ERRFI1: variants seen among roughly 807,000 people sequenced by gnomAD.
ERRFI1 encodes the protein mitogen-inducible gene 6 protein.
Under a neutral mutation model 14.6 loss-of-function variants are expected in ERRFI1, and 12 were observed. The ratio of observed to expected loss-of-function variants is 0.82; its 90% CI spans 0.53 to 1.33. The LOEUF (loss-of-function observed/expected upper bound fraction) is 1.33. ERRFI1 is among the 40% of genes most tolerant of loss of function. ERRFI1 has a pLI of 0.00. For synonymous variants in ERRFI1, 202 were observed against 209.9 expected (o/e 0.96, Z 0.32); for missense variants, 482 against 572.1 (o/e 0.84, Z 1.61).
At position 8,015,612 on chromosome 1, in the gene ERRFI1, A is replaced by T; in HGVS notation, c.8T>A (p.Ile3Lys). The T allele has an allele frequency of 6.2e-7, 1 of 1,614,128 alleles. No individual in the cohort carries two copies. The highest frequency in any genetic ancestry group is 8.5e-7 in the Non-Finnish European group (1 of 1,179,966). The change falls in exon 2 of 4, where the codon ATA becomes AAA. Residue 3 changes from isoleucine to lysine, a missense_variant. Transcript: ENST00000377482. ...GATCTCCTGAGCAGCAACTCCTGCTATTGACATTGTGCCTTATTCTGGGAC... is the reference window on the plus strand; with the variant it reads ...GATCTCCTGAGCAGCAACTCCTGCTTTTGACATTGTGCCTTATTCTGGGAC... MS[I>K]AGVAAQEIRV...
At chr1:8,025,157 G>A (rs1294451995) in intron 1 of ERRFI1, among the ~76,000 whole-genome samples, 1 of 152,162 alleles carries the variant, frequency 6.6e-6, no homozygotes, top group Non-Finnish European at 1.5e-5. Context: ...TAAAGCTACA[G>A]TCTCCATTCT....
chr1:8,015,739 A>T, intron 1 of ERRFI1, 47 bp from the exon 2 acceptor site: 1 of 1,260,190 alleles, frequency 7.9e-7, no homozygotes, highest in Non-Finnish European at 1.1e-6. Context: ...ATTCAGAAAT[A>T]CCTCCATTAG....
At chr1:8,022,020 G>A (rs1641280245) in intron 1 of ERRFI1, among the ~76,000 whole-genome samples, 1 of 152,018 alleles carries the variant, frequency 6.6e-6, no homozygotes, top group Non-Finnish European at 1.5e-5. Flanking sequence ...GTTTTTCTTG[G>A]GTAACCTGTA....
Position 8,013,810 on chromosome 1 carries a change from C to A in ERRFI1, c.789G>T (p.Arg263Ser). Residue 263 changes from arginine (R) to serine (S), a missense_variant, in exon 4 of 4, where the codon AGG becomes AGT. Physicochemically the swap from Arg to Ser is moderately radical, Grantham distance 110. Coordinates refer to ENST00000377482, the MANE Select transcript of ERRFI1 (RefSeq NM_018948.4). The surrounding 1 kb of genome is among the most constrained non-coding windows in gnomAD (Gnocchi z 4.3). Reference protein sequence around the residue: ...PAGSFNKPAIRISNCCIHRAS... With the variant: ...PAGSFNKPAISISNCCIHRAS... The stretch of plus-strand genomic sequence containing the variant: ...CTCTGTGTATACAACAGTTGGATAT[C>A]CTTATGGCTGGCTTGTTAAAGGAGC... 2 of 1,614,082 alleles carry A rather than the reference C, an allele frequency of 1.2e-6. No individual in the cohort carries two copies. Among genetic ancestry groups the A allele is most frequent in the South Asian group, 2.2e-5 (2 of 91,076 alleles).
chr1:8,016,664 A>G (rs928259861), intron 1 of ERRFI1, among the ~76,000 whole-genome samples: 2 of 152,070 alleles, frequency 1.3e-5, no homozygotes, highest in Non-Finnish European at 2.9e-5. Flanking sequence ...AGCCAAGTTT[A>G]TTTATAAGTT....
In ERRFI1 at chr1:8,017,074, T is replaced by C. The variant is rs1641185621; in HGVS notation, c.-73-1382A>G. Among the ~76,000 whole-genome samples, 7 of 152,184 alleles carry C rather than the reference T, an allele frequency of 4.6e-5. No homozygotes were observed. The South Asian group carries it at 1.4e-3, about 31-fold the overall frequency. On this transcript the variant is annotated intron_variant, in intron 1 of 3. Transcript: ENST00000377482. ...AAGTGAATGTTTGCTGAATGAATGA[T>C]TGTATAATACCATCTAATTATCATA...
intron 1 of ERRFI1, among the ~76,000 whole-genome samples, chr1:8,019,506 T>C (rs1208807693): frequency 6.6e-6 from 1 of 152,176 alleles, no homozygotes; most frequent in African/African-American, 2.4e-5. Flanking sequence ...AGGACAGAAC[T>C]GATGTCTGAT....
chr1:8,017,949 AT>A (rs1365346176), intron 1 of ERRFI1, among the ~76,000 whole-genome samples: 8 of 152,154 alleles, frequency 5.3e-5, no homozygotes, highest in Non-Finnish European at 1.2e-4. Flanking sequence ...AGAAAAAGTT[AT>A]TTTTTATTCA....
intron 1 of ERRFI1, among the ~76,000 whole-genome samples, chr1:8,018,589 A>G (rs1206948157): frequency 6.6e-6 from 1 of 152,178 alleles, no homozygotes; most frequent in African/African-American, 2.4e-5. Context: ...AAGAATAGGA[A>G]AGCGAATGTG....
chr1:8,020,824 C>T (rs1641265540), intron 1 of ERRFI1, among the ~76,000 whole-genome samples: 1 of 152,118 alleles, frequency 6.6e-6, no homozygotes, highest in African/African-American at 2.4e-5. Context: ...AGATTACAGG[C>T]GTGAGATACC....
At chr1:8,015,211 T>A (rs1445207326) in intron 3 of ERRFI1, 97 bp downstream of exon 3, 4 of 1,066,140 alleles carry the variant, frequency 3.8e-6, no homozygotes, top group African/African-American at 1.6e-5. Flanking sequence ...ATAGTTCAGG[T>A]TTCCTCATTT....
At position 8,014,223 on chromosome 1, in the gene ERRFI1, A is replaced by C. The variant is rs1641138144; in HGVS notation, c.376T>G (p.Ser126Ala). 6.2e-7 allele frequency: 1 copy of C among 1,614,016 alleles called. No homozygotes were observed. The highest frequency in any genetic ancestry group is 1.1e-5 in the South Asian group (1 of 91,086). The change falls in exon 4 of 4, where the codon TCC becomes GCC. Residue 126 changes from serine (S) to alanine (A), a missense_variant. Transcript: ENST00000377482. ...TTTATGGGTGTCAGTGGAGGGGTGG[A>C]AGCACAAACCCCATTCACTGTGAGT... ...KKLTVNGVCA[S>A]TPPLTPIKNS...
chr1:8,013,645 T>C lies in ERRFI1; in HGVS notation c.954A>G (p.Lys318=), dbSNP rs1207494406. Residue 318 remains lysine (K), a synonymous_variant, in exon 4 of 4, where the codon AAA becomes AAG. Transcript: ENST00000377482. This position sits in a 1 kb window ranked among gnomAD's most constrained non-coding sequence, Gnocchi z 4.3. The part of the protein sequence containing the change: ...STYSDEDRPP[K]VPPREPLSPS... The stretch of plus-strand genomic sequence containing the variant: ...GTGACAAAGGTTCTCTTGGCGGTAC[T>C]TTGGGAGGCCTGTCTTCATCACTAT... The C allele has an allele frequency of 3.7e-6, 6 of 1,614,120 alleles. No homozygotes were observed. Among genetic ancestry groups the C allele is most frequent in the Non-Finnish European group, 5.1e-6 (6 of 1,180,018 alleles).
chr1:8,017,974 CTACT>C (rs1641206037), intron 1 of ERRFI1, among the ~76,000 whole-genome samples: 1 of 152,074 alleles, frequency 6.6e-6, no homozygotes, highest in Admixed American at 6.5e-5. Context: ...TTTCCATCAC[CTACT>C]TGTTAGCTTT....
chr1:8,015,585 C>G lies in ERRFI1; in HGVS notation c.35G>C (p.Arg12Thr). 6.2e-7 allele frequency: 1 copy of G among 1,614,128 alleles called. No individual in the cohort carries two copies. Among genetic ancestry groups the G allele is most frequent in the Non-Finnish European group, 8.5e-7 (1 of 1,179,972 alleles). ...TAGAAATCCAGTTTTTAATGGGACT[C>G]TGATCTCCTGAGCAGCAACTCCTGC... Reference protein sequence around the residue: ...SIAGVAAQEIRVPLKTGFLHN... With the variant: ...SIAGVAAQEITVPLKTGFLHN... The change falls in exon 2 of 4, where the codon AGA becomes ACA. Residue 12 changes from arginine (R) to threonine (T), a missense_variant. Coordinates refer to ENST00000377482, the MANE Select transcript of ERRFI1 (RefSeq NM_018948.4).
intron 1 of ERRFI1, 100 bp from the exon 2 acceptor site, chr1:8,015,792 T>C (rs1272982519): frequency 4.0e-6 from 3 of 747,096 alleles, no homozygotes; most frequent in Non-Finnish European, 6.2e-6. Flanking sequence ...ATTTGGGGGA[T>C]GCTGAATAGA....
rs2124056833 is a variant in ERRFI1, at chr1:8,013,604, G to A, written c.995C>T (p.Thr332Ile). ...AGACGGAAGGCTTTTGGGACTCGGT[G>A]TGCGCGAGTTACTCGGTGACAAAGG... is the stretch of plus-strand genomic sequence containing the variant. Reference protein sequence around the residue: ...REPLSPSNSRTPSPKSLPSYL... With the variant: ...REPLSPSNSRIPSPKSLPSYL... The change falls in exon 4 of 4, where the codon ACA becomes ATA. Residue 332 changes from threonine (T) to isoleucine (I), a missense_variant. Thr to Ile is a moderately conservative substitution (Grantham distance 89, BLOSUM62 -1). Coordinates refer to ENST00000377482, the MANE Select transcript of ERRFI1 (RefSeq NM_018948.4). The surrounding 1 kb of genome is among the most constrained non-coding windows in gnomAD (Gnocchi z 4.3). 6.2e-7 allele frequency: 1 copy of A among 1,614,160 alleles called. No homozygotes were observed. Among genetic ancestry groups the A allele is most frequent in the Non-Finnish European group, 8.5e-7 (1 of 1,180,042 alleles).
In ERRFI1 at chr1:8,014,083, T is replaced by A. The variant is rs1227956062; in HGVS notation, c.516A>T (p.Glu172Asp). 6.2e-7 allele frequency: 1 copy of A among 1,614,054 alleles called. No homozygotes were observed. Among genetic ancestry groups the A allele is most frequent in the Non-Finnish European group, 8.5e-7 (1 of 1,180,046 alleles). ...LSLDDTDCEV[E>D]FLTSSDTDFL... The stretch of plus-strand genomic sequence containing the variant: ...AGTCTGTATCTGAGCTAGTTAGGAA[T>A]TCCACCTCACAGTCTGTGTCATCCA... The change falls in exon 4 of 4, where the codon GAA becomes GAT. Residue 172 changes from glutamate (E) to aspartate (D), a missense_variant. Physicochemically the swap from Glu to Asp is conservative, Grantham distance 45. Coordinates refer to ENST00000377482, the MANE Select transcript of ERRFI1 (RefSeq NM_018948.4).
chr1:8,023,979 AT>A (rs1425530317), intron 1 of ERRFI1, among the ~76,000 whole-genome samples: 1 of 152,162 alleles, frequency 6.6e-6, no homozygotes, highest in Non-Finnish European at 1.5e-5. Flanking sequence ...ACCAATTCAA[AT>A]TTATTTAGAT....
Sources: allele counts gnomAD v4.1 joint callset (sites outside exome capture counted in the v4.1 genomes callset), GRCh38; gene constraint gnomAD v4.1.1; non-coding constraint Gnocchi (gnomAD v3.1); transcripts MANE v1.5; gene names NCBI Gene and HGNC (gene_info 2026-07-23, HGNC 2026-07-21).